Variants in ATG2A observed in about 807,000 individuals in gnomAD.
The protein encoded by ATG2A is autophagy related 2A, also known as autophagy-related protein 2 homolog A.
In ATG2A, 103 loss-of-function variants were observed where a neutral mutation model predicts 214.2. The ratio of observed to expected loss-of-function variants is 0.48; its 90% confidence interval spans 0.41 to 0.57. The LOEUF (loss-of-function observed/expected upper bound fraction) is 0.57, where lower values mean the gene tolerates loss of function less well. Among genes scored for constraint, ATG2A ranks in the 20% least tolerant of loss-of-function variants. ATG2A has a pLI of 0.00. For missense variants in ATG2A, 2,312 were observed against 2,613.2 expected (o/e 0.88, Z 2.51); for synonymous variants, 1,160 against 1,142.1 (o/e 1.02, Z -0.32).
Position 64,913,536 on chromosome 11 carries a change from C to T in ATG2A, c.591-135G>A. The T allele has an allele frequency of 8.4e-7, 1 of 1,197,534 alleles. No individual in the cohort carries two copies. The highest frequency in any genetic ancestry group is 1.1e-6 in the Non-Finnish European group (1 of 880,152). The allele number at this position is 1,197,534 out of a possible 1,614,324, so 74.2% of individuals were successfully genotyped here. ...GCTGCCCCATCACACCTAGGCCGTC[C>T]TGAACCACCATGTCCAGCCCGGAGG... is the stretch of plus-strand genomic sequence containing the variant. On this transcript the variant is annotated intron_variant, in intron 4 of 40. Coordinates refer to ENST00000377264, the MANE Select transcript of ATG2A (RefSeq NM_015104.3). The surrounding 1 kb of genome is among the most constrained non-coding windows in gnomAD (Gnocchi z 4.3).
rs769559069 is a variant in ATG2A, at chr11:64,898,587, C to T, written c.4671+49G>A. The T allele has an allele frequency of 9.4e-6, 15 of 1,592,754 alleles. No individual in the cohort carries two copies. Among genetic ancestry groups the T allele is most frequent in the African/African-American group, 1.3e-5 (1 of 74,486 alleles). ...CCATGCATGCGTGAAGATGTATCCCCAACGGTCTGGTGCCCTGCCCCAGGG... is the reference window on the plus strand; with the variant it reads ...CCATGCATGCGTGAAGATGTATCCCTAACGGTCTGGTGCCCTGCCCCAGGG... On this transcript the variant is annotated intron_variant, in intron 32 of 40. Coordinates refer to ENST00000377264, the MANE Select transcript of ATG2A (RefSeq NM_015104.3). This position sits in a 1 kb window ranked among gnomAD's most constrained non-coding sequence, Gnocchi z 4.5.
chr11:64,915,473 C>T (rs1024017009), intron 1 of ATG2A, among the ~76,000 whole-genome samples: 1 of 152,140 alleles, frequency 6.6e-6, no homozygotes, highest in African/African-American at 2.4e-5. Context: ...GGGATGCGGG[C>T]CTCTTTCTTT....
At chr11:64,912,978 TGAG>T (rs1346467003) in intron 6 of ATG2A, 57 bp downstream of exon 6, 43 of 1,235,308 alleles carry the variant, frequency 3.5e-5, no homozygotes, top group South Asian at 2.2e-4. Context: ...TCAGCCTTGC[TGAG>T]GAGGAGGAGT....
chr11:64,911,891 C>T lies in ATG2A; in HGVS notation c.1179G>A (p.Val393=). 6.2e-7 allele frequency: 1 copy of T among 1,613,600 alleles called. No homozygotes were observed. Among genetic ancestry groups the T allele is most frequent in the South Asian group, 1.1e-5 (1 of 90,996 alleles). ...SLSDVDLASS[V]RSDMASRRLS... ...GCCGGCGGGAGGCCATGTCGCTGCG[C>T]ACAGAGGAGGCCAGGTCTACATCGG... The change falls in exon 9 of 41, where the codon GTG becomes GTA. Residue 393 remains valine, a synonymous_variant. Transcript: ENST00000377264.
rs766089808 is a variant in ATG2A at position 64,903,361 on chromosome 11, T to A, written c.3539A>T (p.Tyr1180Phe). 1.2e-6 allele frequency: 2 copies of A among 1,613,964 alleles called. No homozygotes were observed. The highest frequency in any genetic ancestry group is 1.1e-5 in the South Asian group (1 of 91,086). The change falls in exon 26 of 41, where the codon TAT (tyrosine) becomes TTT (phenylalanine). Residue 1180 changes from tyrosine to phenylalanine, a missense_variant. Transcript: ENST00000377264. The surrounding 1 kb of genome is among the most constrained non-coding windows in gnomAD (Gnocchi z 4.2). ...EVETLDLRRDYVCVLDVDLLE... is the reference protein window; with the variant it reads ...EVETLDLRRDFVCVLDVDLLE... ...GAGGTCAACATCCAAAACACAGACA[T>A]AATCTGCAGCAGAGGCGAGAGAAAG...
At position 64,901,971 on chromosome 11, in the gene ATG2A, C is replaced by T; in HGVS notation, c.4110G>A (p.Leu1370=). 6.2e-7 allele frequency: 1 copy of T among 1,613,130 alleles called. No homozygotes were observed. The highest frequency in any genetic ancestry group is 8.5e-7 in the Non-Finnish European group (1 of 1,180,016). The stretch of plus-strand genomic sequence containing the variant: ...CCCTCCCACCACGCACCGGGATGCC[C>T]AGGCCGGGAGCATCAAGGATGCAGA... The part of the protein sequence containing the change: ...DEFCILDAPG[L]GIPPRDGEPV... The change falls in exon 29 of 41, where the codon CTG becomes CTA. Residue 1370 remains leucine, a synonymous_variant. Transcript: ENST00000377264.
chr11:64,917,085 G>A lies in ATG2A; in HGVS notation c.51C>T (p.Cys17=), dbSNP rs757864971. The change falls in exon 1 of 41, where the codon TGC becomes TGT. Residue 17 remains cysteine (C), a synonymous_variant. Coordinates refer to ENST00000377264, the MANE Select transcript of ATG2A (RefSeq NM_015104.3). ...PWSNCVKERV[C]RYLLHHYLGH... is the part of the protein sequence containing the mutation. ...CTAAGTAGTGGTGCAGCAAGTAGCG[G>A]CAGACCCGCTCTTTCACACAGTTTG... 1.2e-6 allele frequency: 2 copies of A among 1,613,400 alleles called. No homozygotes were observed. The highest frequency in any genetic ancestry group is 1.7e-6 in the Non-Finnish European group (2 of 1,179,956).
At position 64,895,347 on chromosome 11, in the gene ATG2A, G is replaced by T. The variant is rs751337435; in HGVS notation, c.5523C>A (p.Gly1841=). 8.1e-6 allele frequency: 13 copies of T among 1,613,124 alleles called. No homozygotes were observed. The highest frequency in any genetic ancestry group is 1.6e-4 in the Middle Eastern group (1 of 6,082). Residue 1841 remains glycine, a synonymous_variant, in exon 40 of 41, where the codon GGC becomes GGA. Transcript: ENST00000377264. The surrounding 1 kb of genome is among the most constrained non-coding windows in gnomAD (Gnocchi z 5.0). The part of the protein sequence containing the change: ...DKRSARRLRR[G]QQPADLREGV... ...CCTCCCGCAGGTCGGCAGGCTGCTG[G>T]CCCCTGCGCAGCCTCCGCGCAGAGC... is the stretch of plus-strand genomic sequence containing the variant.
chr11:64,914,001 G>A, intron 3 of ATG2A, 78 bp from the exon 4 acceptor site: 1 of 1,567,850 alleles, frequency 6.4e-7, no homozygotes, highest in Admixed American at 1.9e-5. Context: ...GCACCAGGGT[G>A]GCCGTGCCGT....
In ATG2A at chr11:64,902,513, T is replaced by C; in HGVS notation, c.3777+3A>G. ...AGCCTGTGTGGCCAGGCCTCACCTGTACCTTCTGGCCGGCGATCTCCGTGG... is the reference window on the plus strand; with the variant it reads ...AGCCTGTGTGGCCAGGCCTCACCTGCACCTTCTGGCCGGCGATCTCCGTGG... On this transcript the variant is annotated splice_donor_region_variant and intron_variant, in intron 27 of 40. Transcript: ENST00000377264. The C allele has an allele frequency of 7.8e-6, 12 of 1,536,404 alleles. No individual in the cohort carries two copies. Among genetic ancestry groups the C allele is most frequent in the Non-Finnish European group, 9.6e-6 (11 of 1,140,756 alleles).
At chr11:64,908,859 G>T in intron 16 of ATG2A, 132 bp downstream of exon 16, 1 of 950,970 alleles carries the variant, frequency 1.1e-6, no homozygotes, top group Non-Finnish European at 1.5e-6. Context: ...ATCCTCACTG[G>T]TGTTGGGTCA....
rs1944715047 is a variant in ATG2A at position 64,910,197 on chromosome 11, T to G, written c.1708-2A>C. ...GGCAACTGAGCGCCGGGGTCGGCTC[T>G]GAGGGCGAGGGCGTTCAGGTCAGTG... On this transcript the variant is annotated splice_acceptor_variant, in intron 12 of 40. Transcript: ENST00000377264. LOFTEE classifies it high-confidence loss of function. 1.3e-6 allele frequency: 2 copies of G among 1,593,910 alleles called. No homozygotes were observed.
intron 19 of ATG2A, 128 bp downstream of exon 19, chr11:64,907,113 AGGCTGGCGTGGGTG>A: frequency 6.8e-6 from 7 of 1,024,150 alleles, no homozygotes; most frequent in Non-Finnish European, 8.3e-6. Context: ...CAGGGTGGGC[AGGCTGGCGTGGGTG>A]GGCTGGCGCT....
chr11:64,910,144 C>A lies in ATG2A; in HGVS notation c.1759G>T (p.Asp587Tyr). The A allele has an allele frequency of 1.2e-6, 2 of 1,611,838 alleles. No individual in the cohort carries two copies. Among genetic ancestry groups the A allele is most frequent in the Non-Finnish European group, 1.7e-6 (2 of 1,179,530 alleles). ...ACGTCCGCCTGGAAGTTGGCCAGGT[C>A]CAGGGCCAGTTCTGAGTGGCAATGG... ...ACHCHSELAL[D>Y]LANFQADVEL... The change falls in exon 13 of 41, where the codon GAC (aspartate) becomes TAC (tyrosine). Residue 587 changes from aspartate to tyrosine, a missense_variant. Asp to Tyr is a radical substitution (Grantham distance 160, BLOSUM62 -3). Coordinates refer to ENST00000377264, the MANE Select transcript of ATG2A (RefSeq NM_015104.3).
At chr11:64,902,493 G>C in intron 27 of ATG2A, 23 bp downstream of exon 27, 1 of 1,540,510 alleles carries the variant, frequency 6.5e-7, no homozygotes, top group Non-Finnish European at 8.8e-7. Context: ...CTGGTAGCCT[G>C]TGTGGCCAGG....
rs564784450 is a variant in ATG2A at position 64,911,132 on chromosome 11, C to T, written c.1372G>A (p.Glu458Lys). ...GGCCCATCCTTGGTGGCATCAAACT[C>T]GGTGAAAAAGTGCGTGGCGAGGTCA... ...PPDLATHFFT[E>K]FDATKDGPFG... Residue 458 changes from glutamate to lysine, a missense_variant, in exon 10 of 41, where the codon GAG becomes AAG. Transcript: ENST00000377264. 4.6e-5 allele frequency: 74 copies of T among 1,613,964 alleles called. 2 individuals carry two copies. The South Asian group carries it at 6.7e-4, about 15-fold the overall frequency.
rs1376404875 is a variant in ATG2A at position 64,914,301 on chromosome 11, C to T, written c.334+37G>A. On this transcript the variant is annotated intron_variant, in intron 2 of 40. Coordinates refer to ENST00000377264, the MANE Select transcript of ATG2A (RefSeq NM_015104.3). ...GGTCCTGGACGCCCCAGCCCACTCT[C>T]CCCACTTGCCTGCCCCCAGCCTCGC... 5 of 1,565,060 alleles carry T rather than the reference C, an allele frequency of 3.2e-6. No individual in the cohort carries two copies. The South Asian group carries it at 3.5e-5, about 11-fold the overall frequency.
rs1177799760 is a variant in ATG2A at position 64,907,659 on chromosome 11, T to C, written c.2513A>G (p.Asn838Ser). 4 of 1,602,132 alleles carry C rather than the reference T, an allele frequency of 2.5e-6. No individual in the cohort carries two copies. Among genetic ancestry groups the C allele is most frequent in the Non-Finnish European group, 3.4e-6 (4 of 1,174,022 alleles). The change falls in exon 18 of 41, where the codon AAC becomes AGC. Residue 838 changes from asparagine to serine, a missense_variant. Transcript: ENST00000377264. ...EVYESIYNRI[N>S]NDLLMWEPAD... is the part of the protein sequence containing the mutation. ...AGGCTCCCACATGAGCAGGTCGTTGTTGATCCTGAGATAGGCGGGTGGACA... is the reference window on the plus strand; with the variant it reads ...AGGCTCCCACATGAGCAGGTCGTTGCTGATCCTGAGATAGGCGGGTGGACA...
Position 64,910,050 on chromosome 11 carries a change from G to A in ATG2A, c.1853C>T (p.Ala618Val). 2 of 1,584,830 alleles carry A rather than the reference G, an allele frequency of 1.3e-6. No homozygotes were observed. The highest frequency in any genetic ancestry group is 1.7e-5 in the Admixed American group (1 of 57,702). ...RLATVPAEPP[A>V]GLLTEPLPAM... Reference sequence around the variant, plus strand: ...GCAGGGGCCTCTCACCAGCAGGCCGGCTGGAGGCTCAGCAGGTACGGTGGC... The same window carrying A: ...GCAGGGGCCTCTCACCAGCAGGCCGACTGGAGGCTCAGCAGGTACGGTGGC... Residue 618 changes from alanine (A) to valine (V), a missense_variant, in exon 13 of 41, where the codon GCC becomes GTC. Coordinates refer to ENST00000377264, the MANE Select transcript of ATG2A (RefSeq NM_015104.3).
Sources: allele counts gnomAD v4.1 joint callset (sites outside exome capture counted in the v4.1 genomes callset), GRCh38; gene constraint gnomAD v4.1.1; non-coding constraint Gnocchi (gnomAD v3.1); transcripts MANE v1.5; gene names NCBI Gene and HGNC (gene_info 2026-07-23, HGNC 2026-07-21).